SIPA1L1: variants seen among roughly 807,000 people sequenced by gnomAD.
SIPA1L1 encodes signal induced proliferation associated 1 like 1, also known as signal-induced proliferation-associated 1-like protein 1.
SIPA1L1 carries 26 observed loss-of-function variants against 162.7 expected under a neutral mutation model. That is an observed-to-expected ratio of 0.16 (90% confidence interval 0.12 to 0.22). The LOEUF is 0.22. Among genes scored for constraint, SIPA1L1 ranks in the 10% least tolerant of loss-of-function variants. The probability of loss-of-function intolerance (pLI) is 1.00; values close to 1 mark genes in which losing one functional copy is unlikely to be tolerated. For synonymous variants in SIPA1L1, 829 were observed against 837.4 expected (o/e 0.99, Z 0.17); for missense variants, 1,874 against 2,241.0 (o/e 0.84, Z 3.31).
chr14:71,612,356 G>GT (rs1240353241), intron 5 of SIPA1L1, among the ~76,000 whole-genome samples: 1 of 151,942 alleles, frequency 6.6e-6, no homozygotes, highest in Non-Finnish European at 1.5e-5. Flanking sequence ...CAGAAACATT[G>GT]TTTTTTATAT....
chr14:71,394,041 T>A (rs1008951304), intron 2 of SIPA1L1, among the ~76,000 whole-genome samples: 53 of 152,366 alleles, frequency 3.5e-4, no homozygotes, highest in African/African-American at 1.2e-3. Flanking sequence ...CTGGCTAGAT[T>A]GCTAGGGCAG....
intron 2 of SIPA1L1, among the ~76,000 whole-genome samples, chr14:71,348,993 C>T (rs573938793): frequency 6.6e-6 from 1 of 152,278 alleles, no homozygotes; most frequent in African/African-American, 2.4e-5. Flanking sequence ...AAAGATGATA[C>T]CTTTTCCTCA....
intron 2 of SIPA1L1, among the ~76,000 whole-genome samples, chr14:71,409,729 CTG>C (rs2042274950): frequency 6.6e-6 from 1 of 152,162 alleles, no homozygotes; most frequent in South Asian, 2.1e-4. Context: ...TCACTAAACT[CTG>C]GGAGTGATAG....
chr14:71,477,604 G>C lies in SIPA1L1; in HGVS notation c.-464-35139G>C, dbSNP rs1210437331. Among the ~76,000 whole-genome samples, 6 of 152,218 alleles carry C rather than the reference G, an allele frequency of 3.9e-5. No individual in the cohort carries two copies. In the East Asian group the frequency reaches 1.2e-3, roughly 29 times the overall value. On this transcript the variant is annotated intron_variant, in intron 2 of 23. Coordinates refer to ENST00000381232, the MANE Select transcript of SIPA1L1 (RefSeq NM_001386936.1). ...GAGCCTCCCAAAGTGCGAGGACCTA[G>C]ATCATGTTTTGAAGCTGACTTCTTT... is the stretch of plus-strand genomic sequence containing the variant.
chr14:71,413,988 A>G (rs980976817), intron 2 of SIPA1L1: 7 of 152,226 alleles, frequency 4.6e-5, no homozygotes, highest in African/African-American at 1.4e-4. Flanking sequence ...AAAGCAAGAT[A>G]TACTACTAAC....
At chr14:71,684,577 A>G (rs1402688320) in intron 12 of SIPA1L1, among the ~76,000 whole-genome samples, 1 of 152,136 alleles carries the variant, frequency 6.6e-6, no homozygotes, top group African/African-American at 2.4e-5. Flanking sequence ...CCCAGTCGCA[A>G]TGTGCGGTGG....
intron 5 of SIPA1L1, among the ~76,000 whole-genome samples, chr14:71,593,207 A>G (rs1039186126): frequency 6.6e-6 from 1 of 151,328 alleles, no homozygotes; most frequent in Admixed American, 6.6e-5. Flanking sequence ...TTATTTATTT[A>G]TTTATTTATT....
chr14:71,366,915 C>G (rs2038353981), intron 2 of SIPA1L1, among the ~76,000 whole-genome samples: 1 of 152,130 alleles, frequency 6.6e-6, no homozygotes, highest in African/African-American at 2.4e-5. Flanking sequence ...TATTAGCTTG[C>G]TTTTCTTGGG....
At chr14:71,409,436 A>T (rs1404803345) in intron 2 of SIPA1L1, among the ~76,000 whole-genome samples, 1 of 152,156 alleles carries the variant, frequency 6.6e-6, no homozygotes, top group Non-Finnish European at 1.5e-5. Context: ...GCATTATATG[A>T]CATGTGGTGT....
intron 3 of SIPA1L1, among the ~76,000 whole-genome samples, chr14:71,519,097 G>A (rs146962192): frequency 1.4e-3 from 209 of 152,176 alleles, no homozygotes; most frequent in Non-Finnish European, 2.5e-3. Flanking sequence ...AGATTTCAGT[G>A]GGGACACAGT....
chr14:71,639,605 T>C (rs1446457137), intron 7 of SIPA1L1, among the ~76,000 whole-genome samples: 2 of 152,186 alleles, frequency 1.3e-5, no homozygotes, highest in African/African-American at 2.4e-5. Context: ...ACAAAGGAAC[T>C]GGAATACCTA....
intron 2 of SIPA1L1, among the ~76,000 whole-genome samples, chr14:71,415,503 C>T (rs2042692690): frequency 6.6e-6 from 1 of 152,116 alleles, no homozygotes. Context: ...AAGCAAGCAG[C>T]CTGCAGGAAT....
chr14:71,362,580 C>T (rs144906722), intron 2 of SIPA1L1, among the ~76,000 whole-genome samples: 107 of 152,294 alleles, frequency 7.0e-4, no homozygotes, highest in East Asian at 3.9e-4. Context: ...AACAAATTTA[C>T]GGAAATTTCA....
chr14:71,627,220 G>A (rs747922666), intron 7 of SIPA1L1, among the ~76,000 whole-genome samples: 1 of 131,472 alleles, frequency 7.6e-6, no homozygotes, highest in Non-Finnish European at 1.5e-5. Flanking sequence ...GTGCAGTGGC[G>A]CGATCTCGGC....
At chr14:71,478,448 G>T (rs1445234256) in intron 2 of SIPA1L1, among the ~76,000 whole-genome samples, 3 of 151,732 alleles carry the variant, frequency 2.0e-5, no homozygotes, top group East Asian at 3.9e-4. Flanking sequence ...CTAACTAAAG[G>T]TTATAAAGAT....
intron 4 of SIPA1L1, among the ~76,000 whole-genome samples, chr14:71,534,985 A>G (rs1431078430): frequency 6.6e-6 from 1 of 152,272 alleles, no homozygotes; most frequent in African/African-American, 2.4e-5. Context: ...ACAAATGTTA[A>G]AAGTAACTTA....
At chr14:71,461,253 A>G (rs1567053781) in intron 2 of SIPA1L1, among the ~76,000 whole-genome samples, 1 of 151,630 alleles carries the variant, frequency 6.6e-6, no homozygotes, top group East Asian at 1.9e-4. Flanking sequence ...TGCCATATCA[A>G]GGACTCAGTG....
At chr14:71,733,213 A>G (rs950830570) in intron 20 of SIPA1L1, among the ~76,000 whole-genome samples, 1 of 152,176 alleles carries the variant, frequency 6.6e-6, no homozygotes, top group Non-Finnish European at 1.5e-5. Context: ...TATGTCTCAA[A>G]AAATAAAAAA....
At chr14:71,556,752 T>G (rs1259265016) in intron 4 of SIPA1L1, among the ~76,000 whole-genome samples, 1 of 152,232 alleles carries the variant, frequency 6.6e-6, no homozygotes, top group Non-Finnish European at 1.5e-5. Flanking sequence ...CCTGGTCCTT[T>G]GGGTTTTTAT....
Sources: allele counts gnomAD v4.1 joint callset (sites outside exome capture counted in the v4.1 genomes callset), GRCh38; gene constraint gnomAD v4.1.1; transcripts MANE v1.5; gene names NCBI Gene and HGNC (gene_info 2026-07-23, HGNC 2026-07-21).